Variants in C12orf42 observed in about 807,000 individuals in gnomAD.
C12orf42 encodes the protein uncharacterized protein C12orf42.
Under a neutral mutation model 21.6 loss-of-function variants are expected in C12orf42, and 25 were observed. The ratio of observed to expected loss-of-function variants is 1.16; its 90% CI spans 0.84 to 1.62. The LOEUF (loss-of-function observed/expected upper bound fraction) is 1.62, where lower values mean the gene tolerates loss of function less well. Among genes scored for constraint, C12orf42 ranks in the 40% most tolerant of loss-of-function variants. The probability of loss-of-function intolerance (pLI) is 0.00; values close to 1 mark genes in which losing one functional copy is unlikely to be tolerated. For missense variants in C12orf42, 483 were observed against 459.3 expected (o/e 1.05, Z -0.47); for synonymous variants, 174 against 175.0 (o/e 0.99, Z 0.05).
At chr12:103,472,030 A>G (rs1046895273) in intron 2 of C12orf42, 1 of 148,406 alleles carries the variant, frequency 6.7e-6, no homozygotes, top group African/African-American at 2.5e-5. Context: ...AAAAACAAAA[A>G]GTTTTAATAC....
intron 4 of C12orf42, among the ~76,000 whole-genome samples, chr12:103,357,402 C>CA (rs1393218081): frequency 6.6e-6 from 1 of 151,822 alleles, no homozygotes; most frequent in Non-Finnish European, 1.5e-5. Flanking sequence ...TTTCTTAATG[C>CA]AAAAATAGCA....
rs1273205653 is a variant in C12orf42 at position 103,310,020 on chromosome 12, G to A, written c.260-3675C>T. Among the ~76,000 whole-genome samples the A allele has an allele frequency of 2.6e-5, 4 of 152,316 alleles. No individual in the cohort carries two copies. The East Asian group carries it at 7.7e-4, about 29-fold the overall frequency. On this transcript the variant is annotated intron_variant, in intron 4 of 5. Coordinates refer to ENST00000548883, the MANE Select transcript of C12orf42 (RefSeq NM_198521.5). Reference sequence around the variant, plus strand: ...CTTTTATTGCCATGAGAGAATGTGGGTCCACTGTAGACAGTTGATATAGTT... The same window carrying A: ...CTTTTATTGCCATGAGAGAATGTGGATCCACTGTAGACAGTTGATATAGTT...
chr12:103,234,496 T>G (rs942970774), downstream of C12orf42, among the ~76,000 whole-genome samples: 4 of 152,182 alleles, frequency 2.6e-5, no homozygotes, highest in African/African-American at 9.6e-5. Context: ...CAATGCCAAA[T>G]GGACCCTCAC....
chr12:103,401,734 T>G lies in C12orf42; in HGVS notation c.79-59A>C. Reference sequence around the variant, plus strand: ...TTCAATAATTCTTACAAAGAAACATTTCCATTCCTGAGATGGTTTTTAGGC... The same window carrying G: ...TTCAATAATTCTTACAAAGAAACATGTCCATTCCTGAGATGGTTTTTAGGC... On this transcript the variant is annotated intron_variant, in intron 2 of 5. Coordinates refer to ENST00000548883, the MANE Select transcript of C12orf42 (RefSeq NM_198521.5). 2.0e-6 allele frequency: 3 copies of G among 1,510,314 alleles called. No homozygotes were observed. The South Asian group carries it at 3.4e-5, about 17-fold the overall frequency. The allele number at this position is 1,510,314 out of a possible 1,614,324, so 93.6% of individuals were successfully genotyped here. A position where few individuals can be genotyped will look rare whatever the true frequency, so the allele number is the denominator to read the frequency against.
intron 2 of C12orf42, among the ~76,000 whole-genome samples, chr12:103,451,005 G>A (rs139973637): frequency 4.5e-4 from 68 of 151,990 alleles, no homozygotes; most frequent in Admixed American, 7.9e-4. Context: ...AAAATTATAC[G>A]CACAGTTGTT....
chr12:103,125,180 A>G, the C12orf42 span, among the ~76,000 whole-genome samples: 3 of 152,324 alleles, frequency 2.0e-5, no homozygotes, highest in Admixed American at 2.0e-4. Context: ...CTTTTGAGAA[A>G]GCCTACAGAC....
At chr12:103,246,666 C>A (rs938319499) in intron 10 of C12orf42, among the ~76,000 whole-genome samples, 1 of 151,998 alleles carries the variant, frequency 6.6e-6, no homozygotes, top group African/African-American at 2.4e-5. Flanking sequence ...AGACATAGAC[C>A]TGAGTGAAAG....
intron 4 of C12orf42, among the ~76,000 whole-genome samples, chr12:103,351,224 A>G (rs1340935162): frequency 6.6e-6 from 1 of 152,180 alleles, no homozygotes; most frequent in East Asian, 1.9e-4. Context: ...CACAGCCTAC[A>G]CTTGTGCAAA....
chr12:103,397,473 G>A (rs1179552415), intron 3 of C12orf42, among the ~76,000 whole-genome samples: 1 of 152,138 alleles, frequency 6.6e-6, no homozygotes, highest in Non-Finnish European at 1.5e-5. Context: ...ACCCTATTGT[G>A]AACTGTGCAT....
intron 3 of C12orf42, among the ~76,000 whole-genome samples, chr12:103,378,030 G>T (rs2045854096): frequency 6.6e-6 from 1 of 152,294 alleles, no homozygotes; most frequent in South Asian, 2.1e-4. Flanking sequence ...ATGGATAATA[G>T]TTGTAGGGAA....
the C12orf42 span, among the ~76,000 whole-genome samples, chr12:103,516,738 G>A: frequency 2.0e-5 from 3 of 151,610 alleles, no homozygotes; most frequent in Non-Finnish European, 4.4e-5. Flanking sequence ...ATGAGATTTG[G>A]GTGGGGACAC....
the C12orf42 span, among the ~76,000 whole-genome samples, chr12:103,501,688 A>G: frequency 1.3e-5 from 2 of 152,204 alleles, no homozygotes; most frequent in Non-Finnish European, 2.9e-5. Context: ...ATTGACATAT[A>G]TAATTTAATA....
intron 4 of C12orf42, among the ~76,000 whole-genome samples, chr12:103,283,548 T>C (rs913998613): frequency 6.6e-6 from 1 of 152,224 alleles, no homozygotes; most frequent in Admixed American, 6.5e-5. Context: ...ACTCCTTGTG[T>C]TCCAGACACA....
At chr12:103,441,229 G>A (rs2137299906) in intron 2 of C12orf42, among the ~76,000 whole-genome samples, 1 of 152,154 alleles carries the variant, frequency 6.6e-6, no homozygotes. Context: ...TAGACTACTG[G>A]ACAGAGAAGG....
the C12orf42 span, among the ~76,000 whole-genome samples, chr12:103,193,293 C>A: frequency 6.7e-6 from 1 of 150,146 alleles, no homozygotes; most frequent in African/African-American, 2.4e-5. Flanking sequence ...AAGAGAGAAA[C>A]TCTGAAATAT....
the C12orf42 span, among the ~76,000 whole-genome samples, chr12:103,049,618 G>T: frequency 1.1e-4 from 17 of 152,262 alleles, no homozygotes; most frequent in African/African-American, 4.1e-4. Context: ...CAGAATAAAA[G>T]TCAAAATCCT....
intron 2 of C12orf42, among the ~76,000 whole-genome samples, chr12:103,477,386 T>C (rs573015793): frequency 1.3e-5 from 2 of 151,898 alleles, no homozygotes; most frequent in South Asian, 4.2e-4. Context: ...GTGGCCACAG[T>C]AAAGTAAGCA....
the C12orf42 span, among the ~76,000 whole-genome samples, chr12:103,178,878 A>G: frequency 4.6e-5 from 7 of 152,336 alleles, no homozygotes; most frequent in Middle Eastern, 3.4e-3. Flanking sequence ...CACAGCCTGC[A>G]TAGACACCTG....
the C12orf42 span, among the ~76,000 whole-genome samples, chr12:103,071,885 T>A: frequency 5.9e-5 from 9 of 152,152 alleles, no homozygotes; most frequent in Non-Finnish European, 1.3e-4. Flanking sequence ...ATTAGTGTTT[T>A]CTTTTGGTAA....
Sources: gnomAD v4.1 joint callset for allele counts (sites outside exome capture counted in the v4.1 genomes callset) on GRCh38, gnomAD v4.1.1 for gene constraint, MANE v1.5 for transcripts, NCBI Gene and HGNC (gene_info 2026-07-23, HGNC 2026-07-21) for gene names.